XDH: variants seen among roughly 807,000 people sequenced by gnomAD.
XDH encodes xanthine dehydrogenase, also known as xanthine dehydrogenase/oxidase.
In XDH, 138 loss-of-function variants were observed where a neutral mutation model predicts 156.1. The ratio of observed to expected loss-of-function variants is 0.88; its 90% confidence interval spans 0.77 to 1.02. The LOEUF (loss-of-function observed/expected upper bound fraction) is 1.02, where lower values mean the gene tolerates loss of function less well. Among genes scored for constraint, XDH ranks in the 50% least tolerant of loss-of-function variants. The probability of loss-of-function intolerance (pLI) is 0.00; values close to 1 mark genes in which losing one functional copy is unlikely to be tolerated. For missense variants in XDH, 1,849 were observed against 1,684.9 expected (o/e 1.10, Z -1.71); for synonymous variants, 669 against 625.7 (o/e 1.07, Z -1.03).
intron 6 of XDH, 96 bp downstream of exon 6, chr2:31,397,572 T>C (rs1474892874): frequency 7.0e-7 from 1 of 1,433,044 alleles, no homozygotes; most frequent in Non-Finnish European, 9.9e-7. Context: ...CATCATTGTT[T>C]GTAGACCAGA....
intron 6 of XDH, among the ~76,000 whole-genome samples, chr2:31,395,232 C>T (rs911715685): frequency 2.6e-5 from 4 of 152,206 alleles, no homozygotes; most frequent in African/African-American, 9.6e-5. Flanking sequence ...GAGCTTGTGC[C>T]GCTCACCTGT....
Position 31,380,030 on chromosome 2 carries a change from C to T in XDH, c.1133-54G>A, listed in dbSNP as rs1019196052. 1.7e-5 allele frequency: 27 copies of T among 1,550,364 alleles called. No individual in the cohort carries two copies. The South Asian group carries it at 2.9e-4, about 17-fold the overall frequency. On this transcript the variant is annotated intron_variant, in intron 12 of 35. Coordinates refer to ENST00000379416, the MANE Select transcript of XDH (RefSeq NM_000379.4). Reference sequence around the variant, plus strand: ...AAAGTGAGGGAAAGGCTGGGAACCCCCCATGGGGAGAAAGGATAACCATCA... The same window carrying T: ...AAAGTGAGGGAAAGGCTGGGAACCCTCCATGGGGAGAAAGGATAACCATCA...
At chr2:31,398,524 G>C (rs1403833303) in intron 5 of XDH, 49 bp downstream of exon 5, 1 of 1,612,112 alleles carries the variant, frequency 6.2e-7, no homozygotes, top group Admixed American at 1.7e-5. Flanking sequence ...GACCTCTGCA[G>C]GGCCTCGTTT....
intron 31 of XDH, among the ~76,000 whole-genome samples, chr2:31,343,905 C>T (rs1685211540): frequency 6.6e-6 from 1 of 151,190 alleles, no homozygotes; most frequent in African/African-American, 2.4e-5. Flanking sequence ...TATATTTATG[C>T]ATCTATATAT....
intron 6 of XDH, among the ~76,000 whole-genome samples, chr2:31,394,770 T>C (rs779401939): frequency 1.3e-5 from 2 of 152,204 alleles, no homozygotes; most frequent in Non-Finnish European, 2.9e-5. Context: ...AAAGTTTGCA[T>C]TGTCATATCC....
chr2:31,373,857 C>T lies in XDH; in HGVS notation c.1686+16G>A, dbSNP rs766659185. 9 of 1,613,224 alleles carry T rather than the reference C, an allele frequency of 5.6e-6. No homozygotes were observed. Among genetic ancestry groups the T allele is most frequent in the African/African-American group, 4.0e-5 (3 of 74,896 alleles). ...GCAAAGTCCCCTGATATTAGCCATA[C>T]ACTGACCGTACTCACTTGGAAGAGC... On this transcript the variant is annotated intron_variant, in intron 16 of 35. Coordinates refer to ENST00000379416, the MANE Select transcript of XDH (RefSeq NM_000379.4).
intron 1 of XDH, among the ~76,000 whole-genome samples, chr2:31,407,257 C>T (rs184315693): frequency 4.6e-5 from 7 of 152,094 alleles, no homozygotes; most frequent in Admixed American, 1.3e-4. Context: ...AAATTAATAC[C>T]GACAATGACA....
chr2:31,392,955 C>T (rs888381083), intron 6 of XDH, among the ~76,000 whole-genome samples: 1 of 152,054 alleles, frequency 6.6e-6, no homozygotes, highest in Non-Finnish European at 1.5e-5. Context: ...TTTCTGTTAT[C>T]GATATCTAGT....
chr2:31,358,689 AT>A (rs772405544), intron 24 of XDH, among the ~76,000 whole-genome samples: 5 of 152,182 alleles, frequency 3.3e-5, no homozygotes, highest in Non-Finnish European at 5.9e-5. Context: ...CAGAAAAAGC[AT>A]TTGACAAAAT....
chr2:31,403,923 C>G (rs1687128528), intron 2 of XDH, among the ~76,000 whole-genome samples: 1 of 152,150 alleles, frequency 6.6e-6, no homozygotes, highest in South Asian at 2.1e-4. Context: ...ATGGAGGGAA[C>G]TGAGGATATA....
At chr2:31,405,619 A>G (rs1174100136) in intron 2 of XDH, among the ~76,000 whole-genome samples, 4 of 152,200 alleles carry the variant, frequency 2.6e-5, no homozygotes, top group African/African-American at 9.7e-5. Context: ...CATGAAGCTC[A>G]CCAAGGCTAA....
chr2:31,365,496 C>T lies in XDH; in HGVS notation c.2505G>A (p.Leu835=). The change falls in exon 23 of 36, where the codon CTG becomes CTA. Residue 835 remains leucine (L), a synonymous_variant. Transcript: ENST00000379416. ...RCMLDRDEDM[L]ITGGRHPFLA... is the part of the protein sequence containing the mutation. ...GGAAGGGATGTCTGCCACCAGTTATCAGCATGTCCTCATCACGGTCCAGCA... is the reference window on the plus strand; with the variant it reads ...GGAAGGGATGTCTGCCACCAGTTATTAGCATGTCCTCATCACGGTCCAGCA... 1 of 1,614,188 alleles carries T rather than the reference C, an allele frequency of 6.2e-7. No individual in the cohort carries two copies. Among genetic ancestry groups the T allele is most frequent in the Non-Finnish European group, 8.5e-7 (1 of 1,180,026 alleles).
intron 24 of XDH, among the ~76,000 whole-genome samples, 197 bp downstream of exon 24, chr2:31,363,961 G>C (rs903135376): frequency 4.6e-5 from 7 of 152,116 alleles, no homozygotes; most frequent in Non-Finnish European, 5.9e-5. Context: ...AGGAAGGATG[G>C]GTTTTTAACC....
intron 2 of XDH, 42 bp from the exon 3 acceptor site, chr2:31,403,186 A>G (rs535100882): frequency 1.2e-6 from 2 of 1,604,366 alleles, no homozygotes; most frequent in South Asian, 1.1e-5. Flanking sequence ...CAGGGAGAGG[A>G]GTCTGCTGGG....
chr2:31,411,961 G>C (rs1283900409), intron 1 of XDH, among the ~76,000 whole-genome samples: 2 of 151,026 alleles, frequency 1.3e-5, no homozygotes, highest in Admixed American at 1.3e-4. Context: ...ATGAGTAAGT[G>C]AGTGAGTGAG....
chr2:31,378,829 C>G (rs1686351048), intron 13 of XDH, among the ~76,000 whole-genome samples: 1 of 150,520 alleles, frequency 6.6e-6, no homozygotes, highest in Admixed American at 6.6e-5. Flanking sequence ...CACCTGTTTC[C>G]TCCCCACTTT....
intron 15 of XDH, among the ~76,000 whole-genome samples, chr2:31,375,054 TC>T: frequency 7.0e-6 from 1 of 143,384 alleles, no homozygotes; most frequent in Non-Finnish European, 1.5e-5. Context: ...AGACAGAGTT[TC>T]GCTCTTGTAG....
At chr2:31,407,820 T>A (rs1558318898) in intron 1 of XDH, among the ~76,000 whole-genome samples, 1 of 152,206 alleles carries the variant, frequency 6.6e-6, no homozygotes, top group East Asian at 1.9e-4. Context: ...GAATAAAGTT[T>A]AAAGGAAAGT....
intron 24 of XDH, among the ~76,000 whole-genome samples, chr2:31,360,860 C>T (rs969039023): frequency 6.1e-5 from 9 of 148,598 alleles, no homozygotes; most frequent in African/African-American, 2.1e-4. Context: ...GACTGTATAA[C>T]AAGGAGTTCA....
Sources: gnomAD v4.1 joint callset for allele counts (sites outside exome capture counted in the v4.1 genomes callset) on GRCh38, gnomAD v4.1.1 for gene constraint, MANE v1.5 for transcripts, NCBI Gene and HGNC (gene_info 2026-07-23, HGNC 2026-07-21) for gene names.